Variants in WWOX observed in about 807,000 individuals in gnomAD.
The protein encoded by WWOX is WW domain containing oxidoreductase, also known as WW domain-containing oxidoreductase.
Under a neutral mutation model 46.2 loss-of-function variants are expected in WWOX, and 69 were observed. That is an observed-to-expected ratio of 1.49 (90% confidence interval 1.23 to 1.82). The LOEUF (loss-of-function observed/expected upper bound fraction) is 1.82. Ranked by LOEUF, WWOX falls within the 40% of genes most tolerant of loss-of-function variation. The probability of loss-of-function intolerance (pLI) is 0.00; values close to 1 mark genes in which losing one functional copy is unlikely to be tolerated. For synonymous variants in WWOX, 359 were observed against 202.6 expected (o/e 1.77, Z -6.56); for missense variants, 919 against 542.6 (o/e 1.69, Z -6.89).
intron 8 of WWOX, among the ~76,000 whole-genome samples, chr16:79,057,211 A>G (rs1355616246): frequency 1.3e-5 from 2 of 152,146 alleles, no homozygotes; most frequent in African/African-American, 4.8e-5. Context: ...TTGAGACAAG[A>G]ATTGCCTGGA....
chr16:78,197,180 G>A (rs1174228515), intron 5 of WWOX, among the ~76,000 whole-genome samples: 4 of 152,198 alleles, frequency 2.6e-5, no homozygotes, highest in Non-Finnish European at 4.4e-5. Flanking sequence ...ACTGAGGCTC[G>A]GCGATACTAA....
At chr16:78,821,278 G>A (rs1248240511) in intron 8 of WWOX, among the ~76,000 whole-genome samples, 1 of 152,112 alleles carries the variant, frequency 6.6e-6, no homozygotes, top group Non-Finnish European at 1.5e-5. Context: ...GGAAACTGAG[G>A]CACAGGCTTG....
chr16:78,658,712 C>G (rs2047137516), intron 8 of WWOX, among the ~76,000 whole-genome samples: 1 of 152,120 alleles, frequency 6.6e-6, no homozygotes. Flanking sequence ...GGACTCAAGT[C>G]ATTGGATTTA....
intron 8 of WWOX, among the ~76,000 whole-genome samples, chr16:78,442,957 C>T (rs1475212471): frequency 6.6e-6 from 1 of 151,694 alleles, no homozygotes; most frequent in East Asian, 1.9e-4. Context: ...CCTGTCTCTA[C>T]CAAAAATACA....
intron 5 of WWOX, among the ~76,000 whole-genome samples, chr16:78,335,858 G>A (rs1467935664): frequency 2.6e-5 from 4 of 152,164 alleles, no homozygotes; most frequent in Non-Finnish European, 4.4e-5. Flanking sequence ...TTGTGAGGCC[G>A]AGGCGGGTGG....
chr16:78,593,972 C>A (rs1181719635), intron 8 of WWOX, among the ~76,000 whole-genome samples: 1 of 152,142 alleles, frequency 6.6e-6, no homozygotes, highest in Non-Finnish European at 1.5e-5. Context: ...ATCATTATAT[C>A]CAACTTGTGT....
chr16:79,109,470 G>A (rs889327081), intron 8 of WWOX, among the ~76,000 whole-genome samples: 50 of 152,158 alleles, frequency 3.3e-4, no homozygotes, highest in African/African-American at 1.1e-3. Context: ...CGGGCAGGTT[G>A]GTTTTAAATT....
intron 8 of WWOX, among the ~76,000 whole-genome samples, chr16:78,638,229 G>A (rs1292812648): frequency 6.6e-5 from 10 of 152,182 alleles, no homozygotes; most frequent in East Asian, 1.9e-4. Flanking sequence ...ACAAGCCAAC[G>A]AAGGCTTGGA....
In WWOX at chr16:78,580,479, A is replaced by G. The variant is rs531796162; in HGVS notation, c.1056+147727A>G. On this transcript the variant is annotated intron_variant, in intron 8 of 8. Transcript: ENST00000566780. ...TGGAGCTGAGTCTTTCATCAAAAAC[A>G]AGGACTCCTGGCAGATGCCCAGAGG... Among the ~76,000 whole-genome samples, 8 of 152,326 alleles carry G rather than the reference A, an allele frequency of 5.3e-5. No individual in the cohort carries two copies. The East Asian group carries it at 9.7e-4, about 18-fold the overall frequency.
At chr16:78,732,592 G>A (rs570947291) in intron 8 of WWOX, among the ~76,000 whole-genome samples, 2 of 152,186 alleles carry the variant, frequency 1.3e-5, no homozygotes, top group East Asian at 3.9e-4. Context: ...TAAAGATGTG[G>A]TAACTGGGCT....
intron 5 of WWOX, among the ~76,000 whole-genome samples, chr16:78,375,074 C>G (rs1453183670): frequency 6.6e-6 from 1 of 152,168 alleles, no homozygotes; most frequent in Non-Finnish European, 1.5e-5. Flanking sequence ...TTATTTTTTT[C>G]CGAAGCACAT....
At chr16:78,677,670 T>A (rs564526722) in intron 8 of WWOX, among the ~76,000 whole-genome samples, 1 of 152,340 alleles carries the variant, frequency 6.6e-6, no homozygotes, top group Admixed American at 6.5e-5. Context: ...TTTTTCCATC[T>A]CTGGTCTCTA....
At chr16:79,034,617 C>G (rs1210585243) in intron 8 of WWOX, among the ~76,000 whole-genome samples, 2 of 151,808 alleles carry the variant, frequency 1.3e-5, no homozygotes, top group African/African-American at 2.4e-5. Flanking sequence ...CCTGGATTGT[C>G]TCAAAGGCAT....
chr16:78,989,821 C>CGTGTGTGTGTGTGTGT (rs71384389), intron 8 of WWOX, among the ~76,000 whole-genome samples: 2 of 136,508 alleles, frequency 1.5e-5, no homozygotes, highest in South Asian at 2.5e-4. Flanking sequence ...GGTGTGTGAG[C>CGTGTGTGTGTGTGTGT]GTGTGTGTGT....
At chr16:78,314,701 G>GTTTTTTTTTTTTTTTTTTT (rs920575863) in intron 5 of WWOX, among the ~76,000 whole-genome samples, 28 of 61,304 alleles carry the variant, frequency 4.6e-4, no homozygotes, top group African/African-American at 1.6e-3. Flanking sequence ...TTTTTTTTTT[G>GTTTTTTTTTTTTTTTTTTT]TTTTTTTTTT....
At chr16:79,157,536 G>C (rs777358149) in intron 8 of WWOX, among the ~76,000 whole-genome samples, 4 of 152,148 alleles carry the variant, frequency 2.6e-5, no homozygotes, top group Non-Finnish European at 5.9e-5. Context: ...CATTTGGCAT[G>C]TAGTGGAACC....
chr16:79,063,179 G>A (rs371788837), intron 8 of WWOX, among the ~76,000 whole-genome samples: 1 of 152,196 alleles, frequency 6.6e-6, no homozygotes, highest in Admixed American at 6.5e-5. Flanking sequence ...AGTGGGATAG[G>A]AAATGTTCAC....
chr16:78,208,524 G>A (rs2036464410), intron 5 of WWOX, among the ~76,000 whole-genome samples: 1 of 152,124 alleles, frequency 6.6e-6, no homozygotes, highest in Non-Finnish European at 1.5e-5. Flanking sequence ...TTCTTTTAGG[G>A]TGTCTTTATT....
chr16:78,866,245 G>A (rs2044000527), intron 8 of WWOX, among the ~76,000 whole-genome samples: 2 of 152,050 alleles, frequency 1.3e-5, no homozygotes, highest in Non-Finnish European at 2.9e-5. Flanking sequence ...AGAGCCCGCA[G>A]TTTCATGAAT....
Sources: gnomAD v4.1 joint callset for allele counts (sites outside exome capture counted in the v4.1 genomes callset) on GRCh38, gnomAD v4.1.1 for gene constraint, MANE v1.5 for transcripts, NCBI Gene and HGNC (gene_info 2026-07-23, HGNC 2026-07-21) for gene names.